The following ITGA2B variants were observed in gnomAD, a reference collection of about 807,000 sequenced individuals.
ITGA2B encodes integrin alpha-IIb.
A neutral mutation model predicts 142.0 loss-of-function variants in ITGA2B; 91 were observed. That is an observed-to-expected ratio of 0.64 (90% CI 0.54 to 0.76). ITGA2B has a LOEUF of 0.76. Among genes scored for constraint, ITGA2B ranks in the 30% least tolerant of loss-of-function variants. ITGA2B has a pLI of 0.00. For missense variants in ITGA2B, 1,231 were observed against 1,350.8 expected (o/e 0.91, Z 1.39); for synonymous variants, 536 against 567.2 (o/e 0.94, Z 0.78).
chr17:44,374,564 C>G (rs2048522490), intron 28 of ITGA2B, 94 bp from the exon 29 acceptor site: 14 of 1,502,230 alleles, frequency 9.3e-6, no homozygotes, highest in Non-Finnish European at 1.3e-5. Context: ...CCATGCCACC[C>G]ACCCGTACCA....
chr17:44,372,828 C>T (rs1168401222), intron 29 of ITGA2B, among the ~76,000 whole-genome samples: 1 of 151,894 alleles, frequency 6.6e-6, no homozygotes, highest in Non-Finnish European at 1.5e-5. Flanking sequence ...ACCCTGTTGG[C>T]CGGGCTGGTC....
chr17:44,375,317 T>TCC (rs1303862524), intron 26 of ITGA2B: 1 of 646,470 alleles, frequency 1.5e-6, no homozygotes, highest in Non-Finnish European at 2.8e-6. Context: ...GGGAGGGTCA[T>TCC]CCCCCAGCGC....
rs199738595 is a variant in ITGA2B, at chr17:44,385,740, G to A, written c.409-24C>T. On this transcript the variant is annotated intron_variant, in intron 3 of 29. Transcript: ENST00000262407. ...GCCTGGAGAAAGGCCACAGGAGTGGGGACGGGCGCGAGACTTGGGCTCCTC... is the reference window on the plus strand; with the variant it reads ...GCCTGGAGAAAGGCCACAGGAGTGGAGACGGGCGCGAGACTTGGGCTCCTC... 671 of 1,613,460 alleles carry A rather than the reference G, an allele frequency of 4.2e-4. 2 individuals are homozygous for A. In the African/African-American group the frequency reaches 8.1e-3, roughly 20 times the overall value.
rs1269671322 is a variant in ITGA2B at position 44,380,100 on chromosome 17, C to T, written c.1654G>A (p.Val552Met). Residue 552 changes from valine (V) to methionine (M), a missense_variant, in exon 17 of 30, where the codon GTG becomes ATG. Around this residue, in one of 3 missense-constraint regions of ITGA2B, gnomAD observed 908 missense variants for 1,021.1 expected, o/e 0.89. Coordinates refer to ENST00000262407, the MANE Select transcript of ITGA2B (RefSeq NM_000419.5). ...DRQKPRQGRR[V>M]LLLGSQQAGT... ...GCCTGTTGAGAGCCCAGCAGCAGCA[C>T]CCGCCGGCCCTGGCGGGGCTTCTGC... The T allele has an allele frequency of 6.2e-7, 1 of 1,613,952 alleles. No individual in the cohort carries two copies. The highest frequency in any genetic ancestry group is 8.5e-7 in the Non-Finnish European group (1 of 1,179,954).
intron 29 of ITGA2B, among the ~76,000 whole-genome samples, 165 bp from the exon 30 acceptor site, chr17:44,372,588 G>C (rs530021785): frequency 5.5e-4 from 83 of 152,236 alleles, no homozygotes; most frequent in African/African-American, 1.9e-3. Context: ...GATAATGCAT[G>C]GAACGAATTG....
chr17:44,385,774 A>C, intron 3 of ITGA2B, 50 bp downstream of exon 3: 3 of 1,612,194 alleles, frequency 1.9e-6, no homozygotes, highest in Non-Finnish European at 2.5e-6. Flanking sequence ...TCCTGGCCCC[A>C]GGTGTCCCTG....
In ITGA2B at chr17:44,386,105, C is replaced by T. The variant is rs1435480247; in HGVS notation, c.215G>A (p.Arg72Gln). ...GRVAIVVGAP[R>Q]TLGPSQEETG... ...CTCCTCCTGGCTGGGGCCCAGGGTC[C>T]GCGGGGCGCCCACCACGATGGCCAC... Residue 72 changes from arginine to glutamine, a missense_variant, in exon 2 of 30, where the codon CGG becomes CAG. By Grantham distance (43) the Arg-to-Gln change is conservative (BLOSUM62 1). Coordinates refer to ENST00000262407, the MANE Select transcript of ITGA2B (RefSeq NM_000419.5). The T allele has an allele frequency of 3.1e-6, 5 of 1,604,572 alleles. No individual in the cohort carries two copies. Among genetic ancestry groups the T allele is most frequent in the Admixed American group, 3.4e-5 (2 of 59,026 alleles).
intron 12 of ITGA2B, among the ~76,000 whole-genome samples, chr17:44,382,040 T>G (rs887852602): frequency 1.3e-5 from 2 of 152,136 alleles, no homozygotes; most frequent in Non-Finnish European, 2.9e-5. Flanking sequence ...CCCACTGTTA[T>G]GCTATAATCC....
At chr17:44,377,196 T>TTA in intron 21 of ITGA2B, 108 bp from the exon 22 acceptor site, 1 of 860,744 alleles carries the variant, frequency 1.2e-6, no homozygotes, top group Non-Finnish European at 1.9e-6. Context: ...ACTATTCTTT[T>TTA]TCTTTTTTTT....
chr17:44,389,620 G>A lies in ITGA2B; in HGVS notation c.-147C>T. On this transcript the variant is annotated 5_prime_UTR_variant, in exon 1 of 30. Transcript: ENST00000262407. ...GCAGAGCAAAGGGCTATAGCCCCTGGACTCATGGTGGCTAGAATTGCCAGG... is the reference window on the plus strand; with the variant it reads ...GCAGAGCAAAGGGCTATAGCCCCTGAACTCATGGTGGCTAGAATTGCCAGG... The A allele has an allele frequency of 1.2e-6, 1 of 867,224 alleles. No individual in the cohort carries two copies. Among genetic ancestry groups the A allele is most frequent in the East Asian group, 2.6e-5 (1 of 37,852 alleles). 53.7% of individuals were successfully genotyped at this position (867,224 alleles called of 1,614,324 possible). A position where few individuals can be genotyped will look rare whatever the true frequency, so the allele number is the denominator to read the frequency against.
chr17:44,385,833 G>C lies in ITGA2B; in HGVS notation c.399C>G (p.Asp133Glu). 6.2e-7 allele frequency: 1 copy of C among 1,604,508 alleles called. No homozygotes were observed. The highest frequency in any genetic ancestry group is 2.2e-5 in the East Asian group (1 of 44,594). Reference sequence around the variant, plus strand: ...GTACCGCGGGGCCCACCACAATGACGTCGCTCCAGCTGACGACCGACGCCC... The same window carrying C: ...GTACCGCGGGGCCCACCACAATGACCTCGCTCCAGCTGACGACCGACGCCC... The part of the protein sequence containing the change: ...GLGASVVSWS[D>E]VIVACAPWQH... Residue 133 changes from aspartate (D) to glutamate (E), a missense_variant, in exon 3 of 30, where the codon GAC becomes GAG. This residue lies in a region of ITGA2B where 318 missense variants were observed against 312.2 expected (regional missense o/e 1.02). Coordinates refer to ENST00000262407, the MANE Select transcript of ITGA2B (RefSeq NM_000419.5).
intron 18 of ITGA2B, 71 bp downstream of exon 18, chr17:44,379,618 G>A: frequency 6.2e-7 from 1 of 1,608,730 alleles, no homozygotes; most frequent in Non-Finnish European, 8.5e-7. Flanking sequence ...ATTGTGACTT[G>A]GCACTAACCC....
chr17:44,386,165 T>A (rs967919487), intron 1 of ITGA2B, 34 bp from the exon 2 acceptor site: 26 of 1,560,226 alleles, frequency 1.7e-5, no homozygotes, highest in Non-Finnish European at 2.1e-5. Context: ...GCCGCGCAGA[T>A]TCCAGCGTAT....
At chr17:44,381,297 T>C (rs996875789) in intron 12 of ITGA2B, among the ~76,000 whole-genome samples, 3 of 152,110 alleles carry the variant, frequency 2.0e-5, no homozygotes, top group Non-Finnish European at 4.4e-5. Flanking sequence ...GAGGAAAATA[T>C]ATCCTGAAAA....
chr17:44,376,421 AGGG>A, intron 22 of ITGA2B, 33 bp from the exon 23 acceptor site: 1 of 1,604,150 alleles, frequency 6.2e-7, no homozygotes, highest in Non-Finnish European at 8.5e-7. Context: ...AAACAGGGCC[AGGG>A]ACACCAGCCC....
intron 20 of ITGA2B, 132 bp from the exon 21 acceptor site, chr17:44,377,922 G>A: frequency 2.9e-6 from 2 of 698,950 alleles, no homozygotes; most frequent in Non-Finnish European, 5.1e-6. Flanking sequence ...GGTCTCAAGG[G>A]ACTGTCACAT....
In ITGA2B at chr17:44,379,817, A is replaced by T. The variant is rs746932044; in HGVS notation, c.1753-3T>A. 13 of 1,613,638 alleles carry T rather than the reference A, an allele frequency of 8.1e-6. No homozygotes were observed. Among genetic ancestry groups the T allele is most frequent in the Non-Finnish European group, 1.1e-5 (13 of 1,179,978 alleles). On this transcript the variant is annotated splice_region_variant and splice_polypyrimidine_tract_variant and intron_variant, in intron 17 of 29. Coordinates refer to ENST00000262407, the MANE Select transcript of ITGA2B (RefSeq NM_000419.5). ...TTGTCCCGGAAGTCTGCCTCATCCT[A>T]GGACAGGGGCAAGAGTCAGGCCATC... is the stretch of plus-strand genomic sequence containing the variant.
intron 18 of ITGA2B, 119 bp downstream of exon 18, chr17:44,379,570 A>T: frequency 6.6e-7 from 1 of 1,521,108 alleles, no homozygotes; most frequent in South Asian, 1.1e-5. Flanking sequence ...TGAGGTTTTC[A>T]TTAGGGTTTG....
Position 44,377,033 on chromosome 17 carries a change from A to C in ITGA2B, c.2243T>G (p.Val748Gly), listed in dbSNP as rs766822371. Reference protein sequence around the residue: ...VGNLEEAGESVSFQLQIRSKN... With the variant: ...VGNLEEAGESGSFQLQIRSKN... ...CCTCCGTATCTGCAGCTGGAAGGACACAGACTCCCCAGCCTCTTCCAGATT... is the reference window on the plus strand; with the variant it reads ...CCTCCGTATCTGCAGCTGGAAGGACCCAGACTCCCCAGCCTCTTCCAGATT... The change falls in exon 22 of 30, where the codon GTG becomes GGG. Residue 748 changes from valine to glycine, a missense_variant. By Grantham distance (109) the Val-to-Gly change is moderately radical (BLOSUM62 -3). Around this residue, in one of 3 missense-constraint regions of ITGA2B, gnomAD observed 908 missense variants for 1,021.1 expected, o/e 0.89. Coordinates refer to ENST00000262407, the MANE Select transcript of ITGA2B (RefSeq NM_000419.5). The C allele has an allele frequency of 6.3e-7, 1 of 1,593,162 alleles. No homozygotes were observed.
Sources: allele counts gnomAD v4.1 joint callset (sites outside exome capture counted in the v4.1 genomes callset), GRCh38; gene constraint gnomAD v4.1.1; regional missense constraint gnomAD v4.1.1; transcripts MANE v1.5; gene names NCBI Gene and HGNC (gene_info 2026-07-23, HGNC 2026-07-21).